The following SORL1 variants were observed in gnomAD, a reference collection of about 807,000 sequenced individuals.
SORL1 encodes sortilin related receptor 1, also known as sortilin-related receptor.
A neutral mutation model predicts 273.7 loss-of-function variants in SORL1; 127 were observed. That is an observed-to-expected ratio of 0.46 (90% CI 0.40 to 0.54). SORL1 has a LOEUF of 0.54. Ranked by LOEUF, SORL1 falls within the 20% of genes least tolerant of loss-of-function variation. SORL1 has a pLI of 0.00. For missense variants in SORL1, 2,494 were observed against 2,846.1 expected (o/e 0.88, Z 2.81); for synonymous variants, 1,031 against 1,067.4 (o/e 0.97, Z 0.66).
intron 18 of SORL1, among the ~76,000 whole-genome samples, chr11:121,556,824 G>A (rs1324019495): frequency 6.6e-6 from 1 of 152,188 alleles, no homozygotes; most frequent in Non-Finnish European, 1.5e-5. Flanking sequence ...TCCGCATCAG[G>A]CTTGGAGAAG....
At position 121,570,161 on chromosome 11, in the gene SORL1, C is replaced by T. The variant is rs149911969; in HGVS notation, c.3228C>T (p.Asn1076=). The change falls in exon 23 of 48, where the codon AAC becomes AAT. Residue 1076 remains asparagine (N), a synonymous_variant. Transcript: ENST00000260197. The stretch of plus-strand genomic sequence containing the variant: ...CTGCCGCACTCTGATGGGTAGAGAA[C>T]ACCTGTCTTCGCAACCAGTATCGCT... ...LKNNTCVKQE[N]TCLRNQYRCS... The T allele has an allele frequency of 6.3e-5, 101 of 1,612,124 alleles. 1 individual carries two copies. The highest frequency in any genetic ancestry group is 3.0e-4 in the South Asian group (27 of 91,018).
rs909666796 is a variant in SORL1, at chr11:121,527,584, C to T, written c.1596+4595C>T. On this transcript the variant is annotated intron_variant, in intron 11 of 47. Coordinates refer to ENST00000260197, the MANE Select transcript of SORL1 (RefSeq NM_003105.6). ...TGGTGTTATTTTTTCTTGAGTAATT[C>T]CCTAATGAAACTGTCCAGGCATTGA... Among the ~76,000 whole-genome samples the T allele has an allele frequency of 2.6e-5, 4 of 151,956 alleles. No individual in the cohort carries two copies. In the South Asian group the frequency reaches 6.2e-4, roughly 24 times the overall value.
intron 6 of SORL1, among the ~76,000 whole-genome samples, chr11:121,508,296 CT>C (rs1861819102): frequency 6.6e-6 from 1 of 152,188 alleles, no homozygotes; most frequent in African/African-American, 2.4e-5. Flanking sequence ...TGTGCTTGAC[CT>C]TGTAGAGTCC....
At chr11:121,529,304 C>A (rs1368541178) in intron 11 of SORL1, among the ~76,000 whole-genome samples, 1 of 152,120 alleles carries the variant, frequency 6.6e-6, no homozygotes, top group Non-Finnish European at 1.5e-5. Context: ...GAGACCTCGA[C>A]CTCCTGGGTT....
At chr11:121,575,163 GC>G (rs908047191) in intron 24 of SORL1, among the ~76,000 whole-genome samples, 5 of 152,170 alleles carry the variant, frequency 3.3e-5, no homozygotes, top group Non-Finnish European at 7.4e-5. Context: ...AGGTCAGGGG[GC>G]TTATTCAAGG....
In SORL1 at chr11:121,554,727, G is replaced by A. The variant is rs1040595397; in HGVS notation, c.2440-460G>A. On this transcript the variant is annotated intron_variant, in intron 17 of 47. Coordinates refer to ENST00000260197, the MANE Select transcript of SORL1 (RefSeq NM_003105.6). This position sits in a 1 kb window ranked among gnomAD's most constrained non-coding sequence, Gnocchi z 4.6. Reference sequence around the variant, plus strand: ...CTGGGTATTTGAGGGGCTTGGGGTGGGGGATGGCGGTGATGCTGAATGGAG... The same window carrying A: ...CTGGGTATTTGAGGGGCTTGGGGTGAGGGATGGCGGTGATGCTGAATGGAG... 1.3e-5 allele frequency among the ~76,000 whole-genome samples: 2 copies of A among 152,196 alleles called. No homozygotes were observed. The highest frequency in any genetic ancestry group is 4.8e-5 in the African/African-American group (2 of 41,450).
Position 121,595,531 on chromosome 11 carries a change from A to G in SORL1, c.4370-92A>G. The G allele has an allele frequency of 8.7e-7, 1 of 1,154,396 alleles. No individual in the cohort carries two copies. Among genetic ancestry groups the G allele is most frequent in the South Asian group, 1.4e-5 (1 of 73,386 alleles). The allele number at this position is 1,154,396 out of a possible 1,614,324, so 71.5% of individuals were successfully genotyped here. On this transcript the variant is annotated intron_variant, in intron 31 of 47. Transcript: ENST00000260197. The surrounding 1 kb of genome is among the most constrained non-coding windows in gnomAD (Gnocchi z 5.1). Reference sequence around the variant, plus strand: ...TTCAGGTTCCCATTGTAATTTCTAAAGCACCGTAATCTCCTAGCATATTGA... The same window carrying G: ...TTCAGGTTCCCATTGTAATTTCTAAGGCACCGTAATCTCCTAGCATATTGA...
At chr11:121,468,119 G>C (rs1001358855) in intron 1 of SORL1, among the ~76,000 whole-genome samples, 9 of 152,262 alleles carry the variant, frequency 5.9e-5, no homozygotes, top group Non-Finnish European at 1.0e-4. Flanking sequence ...GAGTGTGCTG[G>C]GGGGAGGAAG....
rs1245316302 is a variant in SORL1, at chr11:121,469,092, A to G, written c.286-915A>G. Among the ~76,000 whole-genome samples the G allele has an allele frequency of 2.6e-5, 4 of 152,254 alleles. No individual in the cohort carries two copies. The East Asian group carries it at 5.8e-4, about 22-fold the overall frequency. ...CTACTGGTTAGCGGAGGTCTTTTCC[A>G]TGGGGATGCAGCCTCCTTCCGTCTT... On this transcript the variant is annotated intron_variant, in intron 1 of 47. Coordinates refer to ENST00000260197, the MANE Select transcript of SORL1 (RefSeq NM_003105.6).
Position 121,612,838 on chromosome 11 carries a change from A to G in SORL1, c.5419+6A>G. The G allele has an allele frequency of 6.3e-7, 1 of 1,598,512 alleles. No homozygotes were observed. Among genetic ancestry groups the G allele is most frequent in the Non-Finnish European group, 8.6e-7 (1 of 1,165,904 alleles). On this transcript the variant is annotated splice_donor_region_variant and intron_variant, in intron 40 of 47. Coordinates refer to ENST00000260197, the MANE Select transcript of SORL1 (RefSeq NM_003105.6). ...AAGCATATTGTCACACAAAGGTAACACTTTGGTGCTGGTCAGTGTGTGTGC... is the reference window on the plus strand; with the variant it reads ...AAGCATATTGTCACACAAAGGTAACGCTTTGGTGCTGGTCAGTGTGTGTGC...
Position 121,596,657 on chromosome 11 carries a change from A to G in SORL1, c.4519+885A>G, listed in dbSNP as rs1863300617. Among the ~76,000 whole-genome samples, 1 of 152,022 alleles carries G rather than the reference A, an allele frequency of 6.6e-6. No individual in the cohort carries two copies. The highest frequency in any genetic ancestry group is 1.5e-5 in the Non-Finnish European group (1 of 67,980). ...CAGACAGCAGACGTCCTAGCCAGTC[A>G]CACTCCCTTCCTTGCCAGGATAAGG... On this transcript the variant is annotated intron_variant, in intron 32 of 47. Coordinates refer to ENST00000260197, the MANE Select transcript of SORL1 (RefSeq NM_003105.6). This position sits in a 1 kb window ranked among gnomAD's most constrained non-coding sequence, Gnocchi z 4.3.
intron 1 of SORL1, among the ~76,000 whole-genome samples, chr11:121,459,951 G>A (rs991173416): frequency 3.9e-5 from 6 of 152,180 alleles, no homozygotes; most frequent in Admixed American, 2.6e-4. Context: ...CAGGCTCTTA[G>A]CTTGGAAAAT....
At chr11:121,530,174 C>T (rs1862182426) in intron 11 of SORL1, among the ~76,000 whole-genome samples, 1 of 152,182 alleles carries the variant, frequency 6.6e-6, no homozygotes, top group Non-Finnish European at 1.5e-5. Flanking sequence ...TTTGTTTTTG[C>T]TTCAAATTAT....
At chr11:121,592,713 T>C (rs758355698) in intron 31 of SORL1, among the ~76,000 whole-genome samples, 4 of 152,244 alleles carry the variant, frequency 2.6e-5, no homozygotes, top group East Asian at 3.8e-4. Context: ...AATAGGCAAA[T>C]AGTCAGTATC....
chr11:121,471,600 A>G (rs1172815314), intron 2 of SORL1, among the ~76,000 whole-genome samples: 1 of 152,228 alleles, frequency 6.6e-6, no homozygotes, highest in Non-Finnish European at 1.5e-5. Context: ...TGAATTTGCC[A>G]GCACTTTCAC....
Position 121,590,105 on chromosome 11 carries a change from A to G in SORL1, c.4144A>G (p.Ile1382Val). 1 of 1,614,166 alleles carries G rather than the reference A, an allele frequency of 6.2e-7. No individual in the cohort carries two copies. ...FQFRCENGHC[I>V]PNRWKCDREN... is the part of the protein sequence containing the mutation. ...GTTTCGGTGTGAGAATGGCCACTGC[A>G]TCCCCAACAGATGGAAATGTGACAG... The change falls in exon 30 of 48, where the codon ATC (isoleucine) becomes GTC (valine). Residue 1382 changes from isoleucine to valine, a missense_variant. This residue lies in a region of SORL1 where 1,609 missense variants were observed against 1,816.4 expected (regional missense o/e 0.89). Transcript: ENST00000260197.
intron 9 of SORL1, among the ~76,000 whole-genome samples, chr11:121,521,214 C>A (rs1447652657): frequency 1.3e-5 from 2 of 152,048 alleles, no homozygotes; most frequent in Non-Finnish European, 2.9e-5. Flanking sequence ...TGGGAAAATT[C>A]TTTTGGAGAC....
intron 25 of SORL1, among the ~76,000 whole-genome samples, chr11:121,578,381 C>T (rs994335286): frequency 6.6e-6 from 1 of 152,190 alleles, no homozygotes; most frequent in Non-Finnish European, 1.5e-5. Flanking sequence ...ATGTCTTAAC[C>T]TCCTCTGCCC....
chr11:121,477,882 A>T (rs1346615149), intron 2 of SORL1, among the ~76,000 whole-genome samples: 4 of 152,024 alleles, frequency 2.6e-5, no homozygotes, highest in African/African-American at 9.7e-5. Context: ...ACAAAAAAAA[A>T]TTAGCTGGGC....
Sources: gnomAD v4.1 joint callset for allele counts (sites outside exome capture counted in the v4.1 genomes callset) on GRCh38, gnomAD v4.1.1 for gene constraint, gnomAD v4.1.1 regional missense constraint, Gnocchi (gnomAD v3.1) non-coding constraint, MANE v1.5 for transcripts, NCBI Gene and HGNC (gene_info 2026-07-23, HGNC 2026-07-21) for gene names.